KCTD20: variants seen among roughly 807,000 people sequenced by gnomAD.
The protein encoded by KCTD20 is potassium channel tetramerization domain containing 20.
In KCTD20, 30 loss-of-function variants were observed where a neutral mutation model predicts 39.6. The observed-to-expected ratio is 0.76, with a 90% CI of 0.57 to 1.03. The LOEUF is 1.03. Ranked by LOEUF, KCTD20 falls within the 50% of genes least tolerant of loss-of-function variation. KCTD20 has a pLI of 0.00. For synonymous variants in KCTD20, 162 were observed against 180.6 expected (o/e 0.90, Z 0.83); for missense variants, 422 against 522.0 (o/e 0.81, Z 1.87).
In KCTD20 at chr6:36,487,093, T is replaced by C. The variant is rs1776447889; in HGVS notation, c.1178T>C (p.Met393Thr). Residue 393 changes from methionine to threonine, a missense_variant, in exon 8 of 8, where the codon ATG (methionine) becomes ACG (threonine). By Grantham distance (81) the Met-to-Thr change is moderately conservative (BLOSUM62 -1). Coordinates refer to ENST00000373731, the MANE Select transcript of KCTD20 (RefSeq NM_173562.5). ...DDVLEDQEILMHHPPQVDELD... is the reference protein window; with the variant it reads ...DDVLEDQEILTHHPPQVDELD... ...GTCTTGGAGGACCAGGAGATATTAA[T>C]GCATCACCCACCCCAAGTGGATGAA... is the stretch of plus-strand genomic sequence containing the variant. 6.2e-7 allele frequency: 1 copy of C among 1,614,200 alleles called. No homozygotes were observed.
At chr6:36,450,201 A>G (rs1342273127) in intron 1 of KCTD20, among the ~76,000 whole-genome samples, 2 of 135,564 alleles carry the variant, frequency 1.5e-5, no homozygotes, top group South Asian at 2.4e-4. Flanking sequence ...GAAGTTATGT[A>G]TTGGGGCCGG....
intron 1 of KCTD20, chr6:36,452,704 AT>A (rs1775296379): frequency 6.6e-6 from 1 of 151,806 alleles, no homozygotes; most frequent in African/African-American, 2.4e-5. Context: ...CACCTGGCTA[AT>A]TTTTGTATTT....
intron 6 of KCTD20, among the ~76,000 whole-genome samples, chr6:36,483,939 A>T (rs957255094): frequency 3.9e-4 from 53 of 135,962 alleles, no homozygotes; most frequent in African/African-American, 1.1e-3. Flanking sequence ...GTGAGGCTGA[A>T]TTTTTTTTTT....
chr6:36,486,291 C>G (rs923267858), intron 7 of KCTD20, among the ~76,000 whole-genome samples: 1 of 152,160 alleles, frequency 6.6e-6, no homozygotes, highest in African/African-American at 2.4e-5. Context: ...CCCAGAACAA[C>G]CCATCAAACT....
intron 7 of KCTD20, among the ~76,000 whole-genome samples, chr6:36,485,488 C>CTTTTTTTTTTTTTTTTTTTTTTTT (rs34990483): frequency 1.0e-5 from 1 of 97,100 alleles, no homozygotes; most frequent in Admixed American, 1.3e-4. Flanking sequence ...TGGAGTGGAT[C>CTTTTTTTTTTTTTTTTTTTTTTTT]TTTTTTTTTT....
intron 1 of KCTD20, among the ~76,000 whole-genome samples, chr6:36,445,404 G>T (rs1775011668): frequency 6.6e-6 from 1 of 152,006 alleles, no homozygotes; most frequent in Admixed American, 6.6e-5. Flanking sequence ...GTGTTTCTGT[G>T]ACTTTTTTCC....
In KCTD20 at chr6:36,489,373, T is replaced by G. The variant is rs1776518397; in HGVS notation, c.*2198T>G. 6.6e-6 allele frequency: 1 copy of G among 151,798 alleles called. No homozygotes were observed. Among genetic ancestry groups the G allele is most frequent in the African/African-American group, 2.4e-5 (1 of 41,140 alleles). 9.4% of individuals were successfully genotyped at this position (151,798 alleles called of 1,614,324 possible). On this transcript the variant is annotated 3_prime_UTR_variant, in exon 8 of 8. Transcript: ENST00000373731. ...CTTTGCTCAGGCTTTCAAGATTGAG[T>G]CTTTTTTCCCCCAAATTAGGTTAAC...
At position 36,476,428 on chromosome 6, in the gene KCTD20, ATT is replaced by A. The variant is rs146381569; in HGVS notation, c.434+1384_434+1385del. Reference sequence around the variant, plus strand: ...TGAACATATAAATTCACAGTGAACCATTTTTTTTTTTTTTTTTTTAAGACAGA... The same window carrying A: ...TGAACATATAAATTCACAGTGAACCATTTTTTTTTTTTTTTTTAAGACAGA... On this transcript the variant is annotated intron_variant, in intron 3 of 7. Coordinates refer to ENST00000373731, the MANE Select transcript of KCTD20 (RefSeq NM_173562.5). Among the ~76,000 whole-genome samples, 480 of 137,636 alleles carry A rather than the reference ATT, an allele frequency of 3.5e-3. 1 individual carries two copies. The highest frequency in any genetic ancestry group is 7.8e-3 in the African/African-American group (290 of 37,190). The allele number at this position is 137,636 out of a possible 152,430, so 90.3% of individuals were successfully genotyped here.
chr6:36,474,748 T>C, intron 2 of KCTD20, 41 bp from the exon 3 acceptor site: 1 of 1,496,846 alleles, frequency 6.7e-7, no homozygotes, highest in Non-Finnish European at 8.9e-7. Flanking sequence ...CTCAAGGCTT[T>C]TGCTCTCAAG....
intron 2 of KCTD20, among the ~76,000 whole-genome samples, chr6:36,471,006 C>T (rs1775893917): frequency 2.0e-5 from 3 of 152,046 alleles, no homozygotes; most frequent in Non-Finnish European, 4.4e-5. Context: ...CAAAAATTAG[C>T]CGGGCGTGGT....
intron 3 of KCTD20, among the ~76,000 whole-genome samples, chr6:36,476,330 A>G (rs1474759597): frequency 6.6e-6 from 1 of 152,154 alleles, no homozygotes; most frequent in Non-Finnish European, 1.5e-5. Context: ...CTGAGTTAGA[A>G]ATTCGAATTG....
At chr6:36,449,226 T>C (rs1265076432) in intron 1 of KCTD20, among the ~76,000 whole-genome samples, 1 of 152,198 alleles carries the variant, frequency 6.6e-6, no homozygotes, top group Non-Finnish European at 1.5e-5. Context: ...GATTGGTCCA[T>C]TTACAAACCT....
At chr6:36,480,572 T>G (rs2127453634) in intron 5 of KCTD20, among the ~76,000 whole-genome samples, 1 of 152,110 alleles carries the variant, frequency 6.6e-6, no homozygotes, top group East Asian at 1.9e-4. Context: ...ATTATTGTTT[T>G]GTTTTGGAGA....
chr6:36,486,672 T>G (rs1776432118), intron 7 of KCTD20, among the ~76,000 whole-genome samples: 1 of 152,190 alleles, frequency 6.6e-6, no homozygotes, highest in African/African-American at 2.4e-5. Flanking sequence ...GATTAGTCCC[T>G]TCTAGGGACA....
Position 36,469,902 on chromosome 6 carries a change from C to T in KCTD20, c.-46-150C>T, listed in dbSNP as rs74832959. 0.011 allele frequency: 4,861 copies of T among 435,356 alleles called. 55 individuals are homozygous for T. The highest frequency in any genetic ancestry group is 0.031 in the Middle Eastern group (75 of 2,410). 27.0% of individuals were successfully genotyped at this position (435,356 alleles called of 1,614,324 possible). ...CCATTTAAATCAGCCTGATTCCTAT[C>T]GATATAAAAATCACAAAAATGTTTA... On this transcript the variant is annotated intron_variant, in intron 1 of 7. Transcript: ENST00000373731. The surrounding 1 kb of genome is among the most constrained non-coding windows in gnomAD (Gnocchi z 4.6).
At chr6:36,461,854 C>A (rs539874992) in intron 1 of KCTD20, among the ~76,000 whole-genome samples, 109 of 152,210 alleles carry the variant, frequency 7.2e-4, no homozygotes, top group Middle Eastern at 6.8e-3. Flanking sequence ...AGCTTGTTAG[C>A]CTGGCCTGTG....
At chr6:36,456,828 G>A (rs943375649) in intron 1 of KCTD20, among the ~76,000 whole-genome samples, 4 of 151,972 alleles carry the variant, frequency 2.6e-5, no homozygotes, top group East Asian at 1.9e-4. Context: ...GCAAAACCAC[G>A]TCTGGAAAAA....
At chr6:36,482,651 C>T (rs1037483709) in intron 6 of KCTD20, among the ~76,000 whole-genome samples, 2 of 98,400 alleles carry the variant, frequency 2.0e-5, no homozygotes, top group Non-Finnish European at 2.2e-5. Flanking sequence ...CATTATTGGA[C>T]GTTTAAACTA....
chr6:36,464,610 C>T (rs1453995052), intron 1 of KCTD20, among the ~76,000 whole-genome samples: 3 of 152,128 alleles, frequency 2.0e-5, no homozygotes, highest in Non-Finnish European at 4.4e-5. Flanking sequence ...CTCTGTTTCC[C>T]CTCCCCCAAA....
Sources: allele counts gnomAD v4.1 joint callset (sites outside exome capture counted in the v4.1 genomes callset), GRCh38; gene constraint gnomAD v4.1.1; non-coding constraint Gnocchi (gnomAD v3.1); transcripts MANE v1.5; gene names NCBI Gene and HGNC (gene_info 2026-07-23, HGNC 2026-07-21).